CPNE8: variants seen among roughly 807,000 people sequenced by gnomAD.
CPNE8 encodes the protein copine 8.
A neutral mutation model predicts 81.5 loss-of-function variants in CPNE8; 45 were observed. The ratio of observed to expected loss-of-function variants is 0.55; its 90% CI spans 0.44 to 0.71. The LOEUF is 0.71. Ranked by LOEUF, CPNE8 falls within the 30% of genes least tolerant of loss-of-function variation. The pLI, the probability that CPNE8 is intolerant of heterozygous loss-of-function variation, is 0.00. For synonymous variants in CPNE8, 252 were observed against 226.3 expected, an observed-to-expected ratio of 1.11 and a Z score of -1.02; for missense variants, 594 against 672.1, an observed-to-expected ratio of 0.88 and a Z score of 1.28.
chr12:38,768,715 G>C (rs1326412155), intron 7 of CPNE8, among the ~76,000 whole-genome samples: 1 of 151,498 alleles, frequency 6.6e-6, no homozygotes, highest in Non-Finnish European at 1.5e-5. Flanking sequence ...TTTTAGCAGA[G>C]ACGGGGTTTC....
At chr12:38,733,823 A>C (rs1361623021) in intron 10 of CPNE8, among the ~76,000 whole-genome samples, 4 of 152,010 alleles carry the variant, frequency 2.6e-5, no homozygotes, top group Non-Finnish European at 4.4e-5. Context: ...AAATCTGTTC[A>C]TTAAGATCAT....
intron 17 of CPNE8, chr12:38,676,326 G>A (rs971281862): frequency 4.6e-5 from 45 of 984,424 alleles, no homozygotes; most frequent in South Asian, 1.9e-4. Flanking sequence ...GAAATGACCA[G>A]CCCTGGGTAA....
chr12:38,891,036 C>T (rs377303956), intron 1 of CPNE8, among the ~76,000 whole-genome samples: 18 of 151,994 alleles, frequency 1.2e-4, no homozygotes, highest in African/African-American at 4.1e-4. Context: ...AAGAGAATCT[C>T]CTGCCTCCTC....
At chr12:38,723,885 G>T (rs1004351253) in intron 12 of CPNE8, 52 bp from the exon 13 acceptor site, 17 of 982,574 alleles carry the variant, frequency 1.7e-5, no homozygotes, top group Non-Finnish European at 2.6e-5. Flanking sequence ...ACCCCAAATA[G>T]ACCTTTCTAA....
intron 1 of CPNE8, among the ~76,000 whole-genome samples, chr12:38,887,529 A>AT (rs201266345): frequency 6.4e-4 from 97 of 151,168 alleles, no homozygotes; most frequent in Admixed American, 1.9e-3. Context: ...ACATAATTTG[A>AT]TTTTTTTTTG....
intron 8 of CPNE8, among the ~76,000 whole-genome samples, chr12:38,767,066 T>C (rs1245963163): frequency 6.6e-6 from 1 of 152,040 alleles, no homozygotes; most frequent in Non-Finnish European, 1.5e-5. Context: ...ATACTAATAG[T>C]ACAATATGAA....
In CPNE8 at chr12:38,723,825, T is replaced by C; in HGVS notation, c.861A>G (p.Leu287=). 6.4e-7 allele frequency: 1 copy of C among 1,573,984 alleles called. No individual in the cohort carries two copies. The highest frequency in any genetic ancestry group is 8.7e-7 in the Non-Finnish European group (1 of 1,145,818). The change falls in exon 13 of 20, where the codon TTA becomes TTG. Residue 287 remains leucine (L), a synonymous_variant. Transcript: ENST00000331366. ...KKYTNSGTVT[L]LSFLVETEVS... ...CTTCTGTTTCTACCAAGAAAGAGAGTAAAGTTACCTGAAAAAGAAAAAGAC... is the reference window on the plus strand; with the variant it reads ...CTTCTGTTTCTACCAAGAAAGAGAGCAAAGTTACCTGAAAAAGAAAAAGAC...
At chr12:38,776,209 T>C in intron 7 of CPNE8, 29 bp downstream of exon 7, 1 of 1,294,832 alleles carries the variant, frequency 7.7e-7, no homozygotes, top group Non-Finnish European at 1.1e-6. Context: ...TATGGAAGTA[T>C]TTTCTAAACC....
At chr12:38,671,034 A>G (rs1939163103) in intron 18 of CPNE8, 1 of 435,650 alleles carries the variant, frequency 2.3e-6, no homozygotes, top group African/African-American at 2.1e-5. Flanking sequence ...AAAGGTGAGC[A>G]GAGCCAGTCT....
At chr12:38,726,179 A>G (rs1270245676) in intron 11 of CPNE8, among the ~76,000 whole-genome samples, 4 of 151,942 alleles carry the variant, frequency 2.6e-5, no homozygotes, top group Non-Finnish European at 4.4e-5. Flanking sequence ...GGAGAAAATG[A>G]AGGCAACAGT....
At chr12:38,890,835 T>A (rs537409342) in intron 1 of CPNE8, among the ~76,000 whole-genome samples, 106 of 151,434 alleles carry the variant, frequency 7.0e-4, no homozygotes, top group African/African-American at 2.1e-3. Context: ...TTGTCTCCTT[T>A]TTTTGGGTAG....
At chr12:38,675,339 CT>C (rs1484064677) in intron 18 of CPNE8, among the ~76,000 whole-genome samples, 2 of 152,138 alleles carry the variant, frequency 1.3e-5, no homozygotes, top group East Asian at 3.8e-4. Context: ...AGCACTCATC[CT>C]TAAAGGGTTT....
chr12:38,710,268 C>CAAAAAAAAAAA lies in CPNE8; in HGVS notation c.915-7358_915-7348dup, dbSNP rs57376063. Among the ~76,000 whole-genome samples the CAAAAAAAAAAA allele has an allele frequency of 1.4e-3, 69 of 50,238 alleles. 5 individuals carry two copies. The highest frequency in any genetic ancestry group is 2.6e-3 in the East Asian group (4 of 1,540). 33.0% of individuals were successfully genotyped at this position (50,238 alleles called of 152,430 possible). ...ATGTGACATAATCAAAATAAGCTAA[C>CAAAAAAAAAAA]AAAAAAAAAAAAAAAAAAAACCAAC... On this transcript the variant is annotated intron_variant, in intron 13 of 19. Transcript: ENST00000331366.
chr12:38,839,577 T>C (rs1289392911), intron 5 of CPNE8, among the ~76,000 whole-genome samples: 1 of 151,978 alleles, frequency 6.6e-6, no homozygotes, highest in African/African-American at 2.4e-5. Context: ...CTACTTCCCA[T>C]TCTCTTAGAA....
At chr12:38,763,793 T>A (rs79285671) in intron 8 of CPNE8, among the ~76,000 whole-genome samples, 4 of 152,172 alleles carry the variant, frequency 2.6e-5, no homozygotes, top group Admixed American at 2.0e-4. Flanking sequence ...AGTCATAAAG[T>A]GTTTCAAATG....
At chr12:38,685,706 A>G (rs3759140) in intron 15 of CPNE8, 89 bp from the exon 16 acceptor site, 52,607 of 1,311,406 alleles carry the variant, frequency 0.04, 3,128 homozygotes, top group East Asian at 0.33. Context: ...AGAATAATAC[A>G]CGTTGACACT....
At chr12:38,846,857 T>C (rs1943567009) in intron 4 of CPNE8, among the ~76,000 whole-genome samples, 1 of 151,972 alleles carries the variant, frequency 6.6e-6, no homozygotes, top group Non-Finnish European at 1.5e-5. Context: ...GTAGGAAAAA[T>C]GGAACCAGCC....
chr12:38,799,651 G>T (rs1022007385), intron 6 of CPNE8, among the ~76,000 whole-genome samples: 2 of 152,178 alleles, frequency 1.3e-5, no homozygotes, highest in Non-Finnish European at 1.5e-5. Flanking sequence ...AAAAGTGGAG[G>T]AGTCAAGATG....
intron 6 of CPNE8, among the ~76,000 whole-genome samples, chr12:38,782,887 C>G (rs1190733316): frequency 6.6e-6 from 1 of 151,980 alleles, no homozygotes; most frequent in East Asian, 1.9e-4. Context: ...ACTATGTTGC[C>G]TAAGCTGTTC....
Sources: allele counts gnomAD v4.1 joint callset (sites outside exome capture counted in the v4.1 genomes callset), GRCh38; gene constraint gnomAD v4.1.1; transcripts MANE v1.5; gene names NCBI Gene and HGNC (gene_info 2026-07-23, HGNC 2026-07-21).